The following ATP11C variants were observed in gnomAD, a reference collection of about 807,000 sequenced individuals.
ATP11C encodes phospholipid-transporting ATPase IG.
Under a neutral mutation model 97.4 loss-of-function variants are expected in ATP11C, and 36 were observed. That is an observed-to-expected ratio of 0.37 (90% CI 0.28 to 0.49). The LOEUF (loss-of-function observed/expected upper bound fraction) is 0.49, where lower values mean the gene tolerates loss of function less well. Among genes scored for constraint, ATP11C ranks in the 20% least tolerant of loss-of-function variants. The pLI is 0.98. For synonymous variants in ATP11C, 275 were observed against 290.9 expected (o/e 0.95, Z 0.56); for missense variants, 730 against 824.6 (o/e 0.89, Z 1.40).
At chrX:139,838,873 A>C (rs1027919214) in intron 1 of ATP11C, among the ~76,000 whole-genome samples, 1 of 110,604 alleles carries the variant, frequency 9.0e-6, no homozygotes, top group African/African-American at 3.3e-5. Context: ...GCTTGAACCC[A>C]GGAGGCAGAG....
intron 1 of ATP11C, among the ~76,000 whole-genome samples, chrX:139,910,569 G>GCACTC (rs1030489827): frequency 3.7e-5 from 4 of 107,078 alleles, no homozygotes; most frequent in African/African-American, 1.4e-4. Context: ...TTCTGCCATT[G>GCACTC]CACTCCAGCC....
chrX:139,731,706 GA>G lies in ATP11C; in HGVS notation c.3337del (p.Ser1113GlnfsTer68). ...RASDSLSARP[S>X]VRPLLLRTFS... ...TGTTCGTAAAAGAAGAGGTCTGACTGAAGGTCTGGCGGATAATGAGTCAGAT... is the reference window on the plus strand; with the variant it reads ...TGTTCGTAAAAGAAGAGGTCTGACTGAGGTCTGGCGGATAATGAGTCAGAT... On this transcript the variant is annotated frameshift_variant, in exon 29 of 30. Coordinates refer to ENST00000682941, the MANE Select transcript of ATP11C (RefSeq NM_001353812.2). LOFTEE classifies it high-confidence loss of function. 8.4e-7 allele frequency: 1 copy of G among 1,197,548 alleles called. No homozygotes were observed. Among genetic ancestry groups the G allele is most frequent in the Non-Finnish European group, 1.1e-6 (1 of 886,398 alleles).
intron 20 of ATP11C, 100 bp from the exon 21 acceptor site, chrX:139,763,518 G>A: frequency 1.7e-6 from 1 of 579,851 alleles, no homozygotes; most frequent in Non-Finnish European, 2.8e-6. Context: ...GTAAATAGCA[G>A]CCTTGCAAAC....
At chrX:139,848,632 T>TG (rs1004562080) in intron 1 of ATP11C, among the ~76,000 whole-genome samples, 8 of 110,675 alleles carry the variant, frequency 7.2e-5, no homozygotes, top group African/African-American at 2.6e-4. Context: ...CCTGAGTAGC[T>TG]GGGCCTACAG....
chrX:139,834,105 G>A lies in ATP11C; in HGVS notation c.28-7282C>T, dbSNP rs113897505. On this transcript the variant is annotated intron_variant, in intron 1 of 29. Transcript: ENST00000682941. ...GTTTCTGGCTCTACAGAAGAGGCAC[G>A]GGAAATTTTGGTGCTACCCCTGCCT... Among the ~76,000 whole-genome samples, 233 of 111,750 alleles carry A rather than the reference G, an allele frequency of 2.1e-3. 1 individual carries two copies. Among genetic ancestry groups the A allele is most frequent in the Non-Finnish European group, 3.4e-3 (181 of 53,152 alleles).
intron 2 of ATP11C, among the ~76,000 whole-genome samples, chrX:139,820,274 G>C (rs180728531): frequency 2.5e-3 from 271 of 109,316 alleles, no homozygotes; most frequent in Admixed American, 4.5e-3. Context: ...GGTGGTGCAC[G>C]CCTGTAGTCC....
At position 139,763,003 on chromosome X, in the gene ATP11C, A is replaced by C. The variant is rs139629732; in HGVS notation, c.2494+313T>G. On this transcript the variant is annotated intron_variant, in intron 21 of 29. Transcript: ENST00000682941. ...GGCCAGGGGCAGAAAATCAATAAAA[A>C]TTTCATGCATGCTGTCAAAGTAAGA... 2.9e-3 allele frequency among the ~76,000 whole-genome samples: 323 copies of C among 112,358 alleles called. 2 individuals carry two copies. The highest frequency in any genetic ancestry group is 9.3e-3 in the African/African-American group (288 of 30,954).
chrX:139,909,345 C>G (rs182047204), intron 1 of ATP11C, among the ~76,000 whole-genome samples: 2,814 of 110,817 alleles, frequency 0.025, 33 homozygotes, highest in Non-Finnish European at 0.039. Flanking sequence ...GTTGGCCAGG[C>G]TGGTCTCAAA....
chrX:139,904,908 G>A (rs1250929262), intron 1 of ATP11C, among the ~76,000 whole-genome samples: 1 of 112,021 alleles, frequency 8.9e-6, no homozygotes, highest in Middle Eastern at 4.2e-3. Context: ...AGTCTGAATC[G>A]TGCTCTAAGT....
At chrX:139,818,678 T>C (rs770012846) in intron 3 of ATP11C, among the ~76,000 whole-genome samples, 2 of 112,155 alleles carry the variant, frequency 1.8e-5, no homozygotes, top group African/African-American at 3.2e-5. Context: ...CAACAGGGCA[T>C]TGGAGCAACT....
intron 3 of ATP11C, among the ~76,000 whole-genome samples, chrX:139,818,920 TGAGA>T (rs990160276): frequency 8.9e-6 from 1 of 111,995 alleles, no homozygotes; most frequent in Non-Finnish European, 1.9e-5. Context: ...AGTAAATGAA[TGAGA>T]GAGAGCAAAA....
rs753172674 is a variant in ATP11C at position 139,816,845 on chromosome X, T to G, written c.318+18A>C. The G allele has an allele frequency of 8.9e-7, 1 of 1,129,409 alleles. No individual in the cohort carries two copies. The highest frequency in any genetic ancestry group is 1.2e-6 in the Non-Finnish European group (1 of 827,037). The allele number at this position is 1,129,409 out of a possible 1,213,427, so 93.1% of individuals were successfully genotyped here. ...GCCTGGACTGAAATGCAGGTGCAAGTGTAAATAAGAAATTTACCTGCTTGA... is the reference window on the plus strand; with the variant it reads ...GCCTGGACTGAAATGCAGGTGCAAGGGTAAATAAGAAATTTACCTGCTTGA... On this transcript the variant is annotated intron_variant, in intron 4 of 29. Transcript: ENST00000682941.
chrX:139,784,481 G>T (rs945019624), intron 16 of ATP11C, among the ~76,000 whole-genome samples: 8 of 111,210 alleles, frequency 7.2e-5, no homozygotes, highest in African/African-American at 2.6e-4. Context: ...GTAAATTACT[G>T]GGAAATAAAT....
At chrX:139,838,613 G>T (rs939860118) in intron 1 of ATP11C, among the ~76,000 whole-genome samples, 2 of 112,003 alleles carry the variant, frequency 1.8e-5, no homozygotes, top group Non-Finnish European at 3.8e-5. Context: ...ACAGGTATCA[G>T]AACAAAAACT....
chrX:139,920,402 G>A (rs1183294212), intron 1 of ATP11C, among the ~76,000 whole-genome samples: 2 of 105,813 alleles, frequency 1.9e-5, no homozygotes, highest in East Asian at 5.9e-4. Context: ...GCTACAACAT[G>A]AACAAATCTT....
At chrX:139,913,784 A>T (rs1332563728) in intron 1 of ATP11C, among the ~76,000 whole-genome samples, 1 of 111,774 alleles carries the variant, frequency 8.9e-6, no homozygotes, top group Non-Finnish European at 1.9e-5. Flanking sequence ...CCCAGGTGAA[A>T]TGAACAGCCT....
At position 139,862,929 on chromosome X, in the gene ATP11C, C is replaced by A. The variant is rs932880101; in HGVS notation, c.28-36106G>T. On this transcript the variant is annotated intron_variant, in intron 1 of 29. Coordinates refer to ENST00000682941, the MANE Select transcript of ATP11C (RefSeq NM_001353812.2). ...GGAATAACTGCTCTAGCATCTGTTT[C>A]TGCATTAAACAGTTACAACAAAAAC... Among the ~76,000 whole-genome samples the A allele has an allele frequency of 2.7e-5, 3 of 111,600 alleles. No individual in the cohort carries two copies. The South Asian group carries it at 1.2e-3, about 43-fold the overall frequency.
At chrX:139,930,519 C>T (rs1409300027) in intron 1 of ATP11C, among the ~76,000 whole-genome samples, 1 of 111,356 alleles carries the variant, frequency 9.0e-6, no homozygotes, top group African/African-American at 3.3e-5. Flanking sequence ...TTTGTCACCC[C>T]CACGCAACAC....
At chrX:139,753,035 C>A (rs1428409546) in intron 23 of ATP11C, among the ~76,000 whole-genome samples, 2 of 111,481 alleles carry the variant, frequency 1.8e-5, no homozygotes, top group Non-Finnish European at 3.8e-5. Flanking sequence ...GACTTCAACA[C>A]CCTACTGGCA....
Sources: gnomAD v4.1 joint callset for allele counts (sites outside exome capture counted in the v4.1 genomes callset) on GRCh38, gnomAD v4.1.1 for gene constraint, MANE v1.5 for transcripts, NCBI Gene and HGNC (gene_info 2026-07-23, HGNC 2026-07-21) for gene names.